The following TMEM44 variants were observed in gnomAD, a reference collection of about 807,000 sequenced individuals.
TMEM44 encodes transmembrane protein 44.
TMEM44 carries 43 observed loss-of-function variants against 47.8 expected under a neutral mutation model. That is an observed-to-expected ratio of 0.90 (90% confidence interval 0.70 to 1.16). TMEM44 has a LOEUF of 1.16. Ranked by LOEUF, TMEM44 falls within the 50% of genes most tolerant of loss-of-function variation. The pLI, the probability that TMEM44 is intolerant of heterozygous loss-of-function variation, is 0.00. For synonymous variants in TMEM44, 277 were observed against 238.8 expected (o/e 1.16, Z -1.48); for missense variants, 568 against 555.2 (o/e 1.02, Z -0.23).
At chr3:194,601,288 C>T (rs868683469) in intron 9 of TMEM44, among the ~76,000 whole-genome samples, 3 of 151,886 alleles carry the variant, frequency 2.0e-5, no homozygotes, top group Non-Finnish European at 4.4e-5. Flanking sequence ...CAGGCACCCG[C>T]CACCACGCCT....
In TMEM44 at chr3:194,617,167, G is replaced by A; in HGVS notation, c.715C>T (p.Pro239Ser). The A allele has an allele frequency of 6.4e-7, 1 of 1,556,970 alleles. No homozygotes were observed. Among genetic ancestry groups the A allele is most frequent in the Non-Finnish European group, 8.7e-7 (1 of 1,150,916 alleles). ...GGTGTGGCCCGCAGCAGGTACTCAG[G>A]GTGCTGGTCGTGGGCCACAATGGCC... ...ASAIVAHDQH[P>S]EYLLRATPWF... The change falls in exon 6 of 10, where the codon CCT (proline) becomes TCT (serine). Residue 239 changes from proline (P) to serine (S), a missense_variant. By Grantham distance (74) the Pro-to-Ser change is moderately conservative. Transcript: ENST00000347147.
Position 194,615,873 on chromosome 3 carries a change from T to C in TMEM44, c.784-176A>G, listed in dbSNP as rs997235321. Among the ~76,000 whole-genome samples the C allele has an allele frequency of 2.0e-5, 3 of 152,158 alleles. No individual in the cohort carries two copies. The East Asian group carries it at 5.8e-4, about 29-fold the overall frequency. Reference sequence around the variant, plus strand: ...TCTGAAGACAGGGCTAGGGTGGATGTTCCTGTCCTCACGAGGGCCCAGCAT... The same window carrying C: ...TCTGAAGACAGGGCTAGGGTGGATGCTCCTGTCCTCACGAGGGCCCAGCAT... On this transcript the variant is annotated intron_variant, in intron 6 of 9. Coordinates refer to ENST00000347147, the MANE Select transcript of TMEM44 (RefSeq NM_001011655.3).
At chr3:194,590,493 C>T (rs1712525328) in intron 9 of TMEM44, among the ~76,000 whole-genome samples, 1 of 152,202 alleles carries the variant, frequency 6.6e-6, no homozygotes, top group Non-Finnish European at 1.5e-5. Context: ...AATAAAAGAG[C>T]TCACCAGGCC....
At chr3:194,604,253 C>A (rs745171) in intron 9 of TMEM44, 34 bp downstream of exon 9, 545,464 of 1,563,078 alleles carry the variant, frequency 0.35, 102,168 homozygotes, top group East Asian at 0.76. Flanking sequence ...ACGATGGCAC[C>A]CACGCACCCG....
At chr3:194,592,808 T>TTCA (rs1230529260) in intron 9 of TMEM44, among the ~76,000 whole-genome samples, 1 of 152,120 alleles carries the variant, frequency 6.6e-6, no homozygotes, top group East Asian at 1.9e-4. Context: ...GAGACAGGGT[T>TTCA]TCACCATGTT....
At chr3:194,608,746 T>C (rs1715019930) in intron 8 of TMEM44, among the ~76,000 whole-genome samples, 1 of 152,148 alleles carries the variant, frequency 6.6e-6, no homozygotes. Flanking sequence ...TCTCGCTATG[T>C]GGTCCAGGCT....
intron 9 of TMEM44, 128 bp downstream of exon 9, chr3:194,604,159 C>A: frequency 8.1e-7 from 1 of 1,240,312 alleles, no homozygotes; most frequent in Non-Finnish European, 1.1e-6. Flanking sequence ...TGGCCTCATT[C>A]ATTATTTAGC....
intron 9 of TMEM44, among the ~76,000 whole-genome samples, chr3:194,591,965 T>C (rs1031637944): frequency 6.6e-6 from 1 of 151,716 alleles, no homozygotes; most frequent in East Asian, 2.0e-4. Context: ...ACGCCTGTAA[T>C]CCCAGCACTT....
rs1156424846 is a variant in TMEM44, at chr3:194,611,270, T to C, written c.913-250A>G. On this transcript the variant is annotated intron_variant, in intron 7 of 9. Transcript: ENST00000347147. This position sits in a 1 kb window ranked among gnomAD's most constrained non-coding sequence, Gnocchi z 4.2. Reference sequence around the variant, plus strand: ...TAGGAATCTTTTTTATTTTATTTTATTTTTTGTAGAGACCAGTTTCACTGT... The same window carrying C: ...TAGGAATCTTTTTTATTTTATTTTACTTTTTGTAGAGACCAGTTTCACTGT... Among the ~76,000 whole-genome samples, 1 of 152,214 alleles carries C rather than the reference T, an allele frequency of 6.6e-6. No homozygotes were observed. The highest frequency in any genetic ancestry group is 1.5e-5 in the Non-Finnish European group (1 of 68,048).
At chr3:194,630,214 T>C (rs1359995812) in intron 1 of TMEM44, among the ~76,000 whole-genome samples, 1 of 23,664 alleles carries the variant, frequency 4.2e-5, no homozygotes, top group Non-Finnish European at 9.3e-5. Context: ...AATAATACGC[T>C]GTCGTACTGC....
chr3:194,615,985 C>T (rs566478540), intron 6 of TMEM44, among the ~76,000 whole-genome samples: 1 of 152,076 alleles, frequency 6.6e-6, no homozygotes, highest in East Asian at 1.9e-4. Context: ...ACAGGCCTGG[C>T]TTACAGTGAC....
intron 5 of TMEM44, among the ~76,000 whole-genome samples, chr3:194,619,871 G>A (rs1409461507): frequency 1.3e-5 from 2 of 152,150 alleles, no homozygotes; most frequent in East Asian, 3.9e-4. Context: ...TCCTGCCCAG[G>A]GGCCCTCAGG....
intron 9 of TMEM44, among the ~76,000 whole-genome samples, chr3:194,595,842 G>T (rs1198523984): frequency 6.6e-6 from 1 of 152,116 alleles, no homozygotes; most frequent in Admixed American, 6.5e-5. Context: ...GGTCAGGCTG[G>T]TCTCAAACTC....
intron 9 of TMEM44, among the ~76,000 whole-genome samples, chr3:194,601,248 G>A (rs1173767202): frequency 6.6e-6 from 1 of 151,032 alleles, no homozygotes. Flanking sequence ...GGGTTCAAAC[G>A]ATTCTCCTGC....
At chr3:194,598,633 G>A (rs1713701197) in intron 9 of TMEM44, among the ~76,000 whole-genome samples, 2 of 152,200 alleles carry the variant, frequency 1.3e-5, no homozygotes, top group African/African-American at 4.8e-5. Flanking sequence ...TTCGCAGTGA[G>A]CACCGCTTTT....
intron 3 of TMEM44, among the ~76,000 whole-genome samples, chr3:194,624,418 T>A (rs1195679011): frequency 1.3e-5 from 2 of 152,030 alleles, no homozygotes; most frequent in Non-Finnish European, 2.9e-5. Flanking sequence ...CAGCACCCCC[T>A]CTGATTCATT....
intron 8 of TMEM44, among the ~76,000 whole-genome samples, chr3:194,607,084 G>T (rs1199408192): frequency 1.3e-5 from 2 of 152,190 alleles, no homozygotes; most frequent in African/African-American, 4.8e-5. Flanking sequence ...TGTGATCCCA[G>T]TGTTGGAAGT....
At chr3:194,589,750 G>T (rs1042211069) in intron 9 of TMEM44, 2 of 152,114 alleles carry the variant, frequency 1.3e-5, no homozygotes, top group Non-Finnish European at 2.9e-5. Context: ...TAGAGCCCAA[G>T]GGGATCCTTG....
chr3:194,619,211 C>T (rs1294468254), intron 5 of TMEM44, among the ~76,000 whole-genome samples: 1 of 152,248 alleles, frequency 6.6e-6, no homozygotes, highest in Non-Finnish European at 1.5e-5. Flanking sequence ...TGACAGCGCC[C>T]ACTGTCCTCC....
Sources: allele counts gnomAD v4.1 joint callset (sites outside exome capture counted in the v4.1 genomes callset), GRCh38; gene constraint gnomAD v4.1.1; non-coding constraint Gnocchi (gnomAD v3.1); transcripts MANE v1.5; gene names NCBI Gene and HGNC (gene_info 2026-07-23, HGNC 2026-07-21).